The following GRIA2 variants were observed in gnomAD, a reference collection of about 807,000 sequenced individuals.
GRIA2 encodes glutamate ionotropic receptor AMPA type subunit 2.
GRIA2 carries 14 observed loss-of-function variants against 97.3 expected under a neutral mutation model. The observed-to-expected ratio is 0.14, with a 90% CI of 0.10 to 0.23. GRIA2 has a LOEUF of 0.23. Among genes scored for constraint, GRIA2 ranks in the 10% least tolerant of loss-of-function variants. GRIA2 has a pLI of 1.00. For synonymous variants in GRIA2, 412 were observed against 387.8 expected (o/e 1.06, Z -0.73); for missense variants, 558 against 1,069.8 (o/e 0.52, Z 6.67).
chr4:157,264,893 T>A, intron 2 of GRIA2, among the ~76,000 whole-genome samples: 1 of 152,010 alleles, frequency 6.6e-6, no homozygotes, highest in Non-Finnish European at 1.5e-5. Context: ...TCTCTCTCTC[T>A]CACCCACACA....
intron 2 of GRIA2, among the ~76,000 whole-genome samples, chr4:157,300,540 C>T (rs1371258613): frequency 1.3e-5 from 2 of 151,724 alleles, no homozygotes; most frequent in Admixed American, 1.3e-4. Context: ...GCACTGTTGG[C>T]CGAATGGCTG....
chr4:157,272,389 A>G (rs1732070947), intron 2 of GRIA2, among the ~76,000 whole-genome samples: 1 of 152,012 alleles, frequency 6.6e-6, no homozygotes, highest in Non-Finnish European at 1.5e-5. Context: ...ACACACAGGC[A>G]GATACATCAG....
rs186426237 is a variant in GRIA2, at chr4:157,297,632, C to G, written c.230-5920C>G. The stretch of plus-strand genomic sequence containing the variant: ...AGGATTCAAACCCAGTTTGTTCTCA[C>G]TTTTAGCCCCTAGAGCTGCTGTTTC... On this transcript the variant is annotated intron_variant, in intron 2 of 15. Transcript: ENST00000264426. 9.2e-5 allele frequency among the ~76,000 whole-genome samples: 14 copies of G among 152,228 alleles called. No homozygotes were observed. The East Asian group carries it at 2.7e-3, about 29-fold the overall frequency.
chr4:157,292,418 G>T (rs1035429713), intron 2 of GRIA2, among the ~76,000 whole-genome samples: 1 of 151,908 alleles, frequency 6.6e-6, no homozygotes, highest in African/African-American at 2.4e-5. Context: ...TAATGTAAAA[G>T]GGATAGTTAA....
At chr4:157,221,332 G>T in intron 1 of GRIA2, 2 of 561,708 alleles carry the variant, frequency 3.6e-6, no homozygotes, top group Non-Finnish European at 6.3e-6. Flanking sequence ...AGAAGAAAAG[G>T]TCCTCTCATT....
At chr4:157,235,886 G>T (rs930030810) in intron 2 of GRIA2, among the ~76,000 whole-genome samples, 2 of 151,990 alleles carry the variant, frequency 1.3e-5, no homozygotes, top group Admixed American at 6.5e-5. Flanking sequence ...GAAGAAGCTA[G>T]TTGCAGGTTT....
chr4:157,360,275 C>A, intron 13 of GRIA2, 132 bp downstream of exon 13: 1 of 832,786 alleles, frequency 1.2e-6, no homozygotes, highest in Non-Finnish European at 1.9e-6. Context: ...GACCAAAAAA[C>A]GTTTCTGAAT....
chr4:157,288,820 A>G (rs764681036), intron 2 of GRIA2, among the ~76,000 whole-genome samples: 15 of 151,700 alleles, frequency 9.9e-5, no homozygotes, highest in Non-Finnish European at 2.2e-4. Flanking sequence ...ATGTTTCTTT[A>G]TGCTGTATAA....
chr4:157,298,611 C>CT (rs67497887), intron 2 of GRIA2, among the ~76,000 whole-genome samples: 1,239 of 34,330 alleles, frequency 0.036, 416 homozygotes, highest in African/African-American at 0.12. Context: ...TGAAGCTAAG[C>CT]TTTTTTTTTT....
chr4:157,283,949 A>T (rs1213138309), intron 2 of GRIA2, among the ~76,000 whole-genome samples: 1 of 151,936 alleles, frequency 6.6e-6, no homozygotes, highest in African/African-American at 2.4e-5. Context: ...GCTTTTTGAG[A>T]TTAATATCCA....
At chr4:157,338,164 G>A (rs1307533216) in intron 11 of GRIA2, among the ~76,000 whole-genome samples, 3 of 150,562 alleles carry the variant, frequency 2.0e-5, no homozygotes, top group Admixed American at 6.6e-5. Context: ...CTAATAATTT[G>A]GAGGCAAATA....
chr4:157,231,298 C>A (rs1019442143), intron 2 of GRIA2, among the ~76,000 whole-genome samples: 3 of 152,152 alleles, frequency 2.0e-5, no homozygotes, highest in African/African-American at 7.2e-5. Flanking sequence ...CTCGGCCTCC[C>A]AAAGTGCTGG....
At chr4:157,343,415 G>T (rs1735632073) in intron 12 of GRIA2, among the ~76,000 whole-genome samples, 1 of 151,972 alleles carries the variant, frequency 6.6e-6, no homozygotes. Context: ...TTTCCTCCTA[G>T]CCAGGGTTCT....
At chr4:157,237,092 A>AT (rs926901450) in intron 2 of GRIA2, among the ~76,000 whole-genome samples, 2 of 151,972 alleles carry the variant, frequency 1.3e-5, no homozygotes, top group South Asian at 2.1e-4. Flanking sequence ...ACCGTAGTTT[A>AT]TTTTTTTTAA....
chr4:157,352,274 G>A (rs1736041765), intron 12 of GRIA2, among the ~76,000 whole-genome samples: 1 of 151,932 alleles, frequency 6.6e-6, no homozygotes, highest in African/African-American at 2.4e-5. Flanking sequence ...TGTTATTCCT[G>A]GTTCTTCTAT....
intron 6 of GRIA2, among the ~76,000 whole-genome samples, chr4:157,328,558 T>C (rs955822283): frequency 2.0e-5 from 3 of 152,054 alleles, no homozygotes; most frequent in Non-Finnish European, 4.4e-5. Context: ...GAGAGGGATG[T>C]GTTCAACCAA....
chr4:157,222,571 C>T (rs897349472), intron 2 of GRIA2, among the ~76,000 whole-genome samples: 1 of 152,274 alleles, frequency 6.6e-6, no homozygotes, highest in East Asian at 1.9e-4. Context: ...CCGCCAGGGG[C>T]GCCGCGGTCA....
intron 2 of GRIA2, among the ~76,000 whole-genome samples, chr4:157,236,547 G>T (rs1730257126): frequency 6.6e-6 from 1 of 151,948 alleles, no homozygotes; most frequent in African/African-American, 2.4e-5. Context: ...ATGTCCAAGT[G>T]GGTTTGTAGA....
chr4:157,322,727 T>G (rs936745605), intron 6 of GRIA2, among the ~76,000 whole-genome samples: 1 of 152,184 alleles, frequency 6.6e-6, no homozygotes, highest in African/African-American at 2.4e-5. Context: ...TGAAAAATTG[T>G]ATAGTAATTT....
Sources: gnomAD v4.1 joint callset for allele counts (sites outside exome capture counted in the v4.1 genomes callset) on GRCh38, gnomAD v4.1.1 for gene constraint, MANE v1.5 for transcripts, NCBI Gene and HGNC (gene_info 2026-07-23, HGNC 2026-07-21) for gene names.